Variants in MED25 observed in about 807,000 individuals in gnomAD.
MED25 encodes mediator complex subunit 25, also known as mediator of RNA polymerase II transcription subunit 25.
A neutral mutation model predicts 89.4 loss-of-function variants in MED25; 62 were observed. The observed-to-expected ratio is 0.69, with a 90% CI of 0.57 to 0.86. The LOEUF is 0.86. MED25 is among the 40% of genes least tolerant of loss of function. The probability of loss-of-function intolerance (pLI) is 0.00; values close to 1 mark genes in which losing one functional copy is unlikely to be tolerated. For missense variants in MED25, 905 were observed against 1,005.2 expected (o/e 0.90, Z 1.35); for synonymous variants, 449 against 427.9 (o/e 1.05, Z -0.61).
At chr19:49,819,781 G>C (rs936731892) in intron 3 of MED25, 1 of 273,788 alleles carries the variant, frequency 3.7e-6, no homozygotes, top group East Asian at 1.0e-4. Context: ...AGTGCAGGGG[G>C]ATGGGTCAGA....
In MED25 at chr19:49,829,804, A is replaced by T; in HGVS notation, c.544A>T (p.Ile182Phe). The T allele has an allele frequency of 6.3e-7, 1 of 1,599,926 alleles. No homozygotes were observed. Among genetic ancestry groups the T allele is most frequent in the Non-Finnish European group, 8.5e-7 (1 of 1,173,468 alleles). Residue 182 changes from isoleucine to phenylalanine, a missense_variant, in exon 6 of 18, where the codon ATT (isoleucine) becomes TTT (phenylalanine). Coordinates refer to ENST00000312865, the MANE Select transcript of MED25 (RefSeq NM_030973.4). This position sits in a 1 kb window ranked among gnomAD's most constrained non-coding sequence, Gnocchi z 4.6. The part of the protein sequence containing the change: ...QIGERGIHFS[I>F]VSPRKLPALR... Reference sequence around the variant, plus strand: ...CCTACAGCGGGGGATCCACTTCTCCATTGTGTCTCCCCGGAAGCTGCCTGC... The same window carrying T: ...CCTACAGCGGGGGATCCACTTCTCCTTTGTGTCTCCCCGGAAGCTGCCTGC...
chr19:49,822,938 C>T (rs757994811), intron 3 of MED25, among the ~76,000 whole-genome samples: 33 of 152,062 alleles, frequency 2.2e-4, no homozygotes, highest in Non-Finnish European at 2.9e-4. Flanking sequence ...TGAGCCACCG[C>T]GCCTGGCCTA....
downstream of MED25, chr19:49,838,550 T>C (rs1162440692): frequency 2.2e-6 from 1 of 457,114 alleles, no homozygotes; most frequent in South Asian, 1.5e-5. Context: ...GAAAGTGAAA[T>C]CTTTCTTGTA....
Position 49,830,203 on chromosome 19 carries a change from C to G in MED25, c.804C>G (p.Val268=), listed in dbSNP as rs751198441. The G allele has an allele frequency of 6.2e-7, 1 of 1,605,024 alleles. No homozygotes were observed. Among genetic ancestry groups the G allele is most frequent in the African/African-American group, 1.3e-5 (1 of 74,848 alleles). ...CCCCCCAGCAGCCTCTGCCCCCCGT[C>G]CCCCCGCAGTACCAGGTATGGATAT... ...SAAPQQPLPP[V]PPQYQVPGNL... The change falls in exon 7 of 18, where the codon GTC becomes GTG. Residue 268 remains valine (V), a synonymous_variant. Coordinates refer to ENST00000312865, the MANE Select transcript of MED25 (RefSeq NM_030973.4). The surrounding 1 kb of genome is among the most constrained non-coding windows in gnomAD (Gnocchi z 4.6).
Position 49,818,359 on chromosome 19 carries a change from G to C in MED25, c.18G>C (p.Glu6Asp). 1.2e-6 allele frequency: 2 copies of C among 1,603,908 alleles called. No individual in the cohort carries two copies. Among genetic ancestry groups the C allele is most frequent in the Non-Finnish European group, 1.7e-6 (2 of 1,175,068 alleles). ...CACGGGGTATGGTCCCCGGGTCCGA[G>C]GGCCCGGCCCGCGCCGGGAGCGTGG... MVPGSEGPARAGSVVA... is the reference protein window; with the variant it reads MVPGSDGPARAGSVVA... The change falls in exon 1 of 18, where the codon GAG becomes GAC. Residue 6 changes from glutamate to aspartate, a missense_variant. Transcript: ENST00000312865.
chr19:49,831,007 G>A lies in MED25; in HGVS notation c.1101+120G>A. The A allele has an allele frequency of 8.7e-7, 1 of 1,144,838 alleles. No individual in the cohort carries two copies. Among genetic ancestry groups the A allele is most frequent in the Non-Finnish European group, 1.3e-6 (1 of 770,898 alleles). The allele number at this position is 1,144,838 out of a possible 1,614,324, so 70.9% of individuals were successfully genotyped here. ...TGGCTCTCGTGGTTCTGGGGCTTTG[G>A]GGGCTCGTGGTGTGTGTGCTGCAGA... On this transcript the variant is annotated intron_variant, in intron 9 of 17. Coordinates refer to ENST00000312865, the MANE Select transcript of MED25 (RefSeq NM_030973.4). The surrounding 1 kb of genome is among the most constrained non-coding windows in gnomAD (Gnocchi z 5.0).
intron 3 of MED25, among the ~76,000 whole-genome samples, chr19:49,827,287 A>G (rs986430841): frequency 6.6e-6 from 1 of 152,220 alleles, no homozygotes; most frequent in Non-Finnish European, 1.5e-5. Context: ...ACGCGACTGC[A>G]GATCAGGCGG....
chr19:49,839,584 TCC>T (rs1349261674), downstream of MED25: 1 of 152,210 alleles, frequency 6.6e-6, no homozygotes, highest in Non-Finnish European at 1.5e-5. Context: ...CACAGTGGGT[TCC>T]CCTGAGAAGG....
At chr19:49,828,360 TG>T (rs1373889135) in intron 3 of MED25, 88 bp from the exon 4 acceptor site, 10 of 883,458 alleles carry the variant, frequency 1.1e-5, no homozygotes, top group Non-Finnish European at 1.3e-5. Flanking sequence ...CAGGATAGAG[TG>T]GGGGACAGCA....
At chr19:49,839,490 C>T (rs1456217005), downstream of MED25, 1 of 152,524 alleles carries the variant, frequency 6.6e-6, no homozygotes, top group African/African-American at 2.4e-5. Flanking sequence ...TGAGAGATTT[C>T]ACAGAAGCTC....
intron 4 of MED25, 92 bp from the exon 5 acceptor site, chr19:49,828,878 C>T (rs984198581): frequency 1.5e-5 from 23 of 1,579,656 alleles, no homozygotes; most frequent in East Asian, 1.2e-4. Context: ...CCATGTGAGG[C>T]GGAATATGTG....
rs1331188475 is a variant in MED25 at position 49,831,213 on chromosome 19, CTGGGG to C, written c.1102-119_1102-115del. On this transcript the variant is annotated intron_variant, in intron 9 of 17. Transcript: ENST00000312865. This position sits in a 1 kb window ranked among gnomAD's most constrained non-coding sequence, Gnocchi z 5.0. ...GTCCTGCGGCTGGCCAAGTGCTGTT[CTGGGG>C]ATGGAGGGGCAGAAGAAGGGATCTT... is the stretch of plus-strand genomic sequence containing the variant. 8.7e-7 allele frequency: 1 copy of C among 1,152,266 alleles called. No homozygotes were observed. Among genetic ancestry groups the C allele is most frequent in the African/African-American group, 1.5e-5 (1 of 65,300 alleles). The allele number at this position is 1,152,266 out of a possible 1,614,324, so 71.4% of individuals were successfully genotyped here.
chr19:49,824,712 C>T (rs1547967), intron 3 of MED25, among the ~76,000 whole-genome samples: 4,809 of 152,184 alleles, frequency 0.032, 179 homozygotes, highest in East Asian at 0.14. Flanking sequence ...TGGAACAAAT[C>T]GTCCTGGGCA....
At position 49,834,031 on chromosome 19, in the gene MED25, C is replaced by T. The variant is rs1308335416; in HGVS notation, c.1483-955C>T. The T allele has an allele frequency of 6.6e-6, 1 of 152,298 alleles. No individual in the cohort carries two copies. The highest frequency in any genetic ancestry group is 1.5e-5 in the Non-Finnish European group (1 of 68,074). 9.4% of individuals were successfully genotyped at this position (152,298 alleles called of 1,614,324 possible). A position where few individuals can be genotyped will look rare whatever the true frequency, so the allele number is the denominator to read the frequency against. On this transcript the variant is annotated intron_variant, in intron 13 of 17. Coordinates refer to ENST00000312865, the MANE Select transcript of MED25 (RefSeq NM_030973.4). This position sits in a 1 kb window ranked among gnomAD's most constrained non-coding sequence, Gnocchi z 4.1. ...TCCTTTATAGTCACAAGGTAGCTCTCATGGCTCCACGCATCCTGTGTGCTT... is the reference window on the plus strand; with the variant it reads ...TCCTTTATAGTCACAAGGTAGCTCTTATGGCTCCACGCATCCTGTGTGCTT...
rs767980819 is a variant in MED25, at chr19:49,830,202, TCCC to T, written c.807_809del (p.Pro270del). 4 of 1,601,004 alleles carry T rather than the reference TCCC, an allele frequency of 2.5e-6. No individual in the cohort carries two copies. In the African/African-American group the frequency reaches 5.4e-5, roughly 22 times the overall value. On this transcript the variant is annotated inframe_deletion, in exon 7 of 18. Transcript: ENST00000312865. The surrounding 1 kb of genome is among the most constrained non-coding windows in gnomAD (Gnocchi z 4.6). ...GCCCCCCAGCAGCCTCTGCCCCCCGTCCCCCCGCAGTACCAGGTATGGATATTT... is the reference window on the plus strand; with the variant it reads ...GCCCCCCAGCAGCCTCTGCCCCCCGTCCCGCAGTACCAGGTATGGATATTT...
At chr19:49,825,525 C>T (rs1312992856) in intron 3 of MED25, among the ~76,000 whole-genome samples, 1 of 151,870 alleles carries the variant, frequency 6.6e-6, no homozygotes, top group Non-Finnish European at 1.5e-5. Flanking sequence ...GGATTACAGG[C>T]ATAAGCCATT....
downstream of MED25, chr19:49,838,469 C>T: frequency 4.8e-6 from 2 of 417,002 alleles, no homozygotes; most frequent in Non-Finnish European, 9.7e-6. Context: ...TCTTGGCTTC[C>T]CTGTGAGGCA....
chr19:49,832,827 A>G (rs772049250), intron 13 of MED25: 130 of 309,274 alleles, frequency 4.2e-4, no homozygotes, highest in Non-Finnish European at 6.7e-4. Flanking sequence ...CGCTCTCTCT[A>G]GAGGCTGGAG....
Position 49,836,652 on chromosome 19 carries a change from G to T in MED25, c.2147-195G>T, listed in dbSNP as rs549021011. On this transcript the variant is annotated intron_variant, in intron 17 of 17. Transcript: ENST00000312865. This position sits in a 1 kb window ranked among gnomAD's most constrained non-coding sequence, Gnocchi z 5.1. Reference sequence around the variant, plus strand: ...GCTCCTGGGATTGCTGGGAAATGTGGTCTTAGGGCCAGAGAAGTAGTTTTG... The same window carrying T: ...GCTCCTGGGATTGCTGGGAAATGTGTTCTTAGGGCCAGAGAAGTAGTTTTG... 1.4e-6 allele frequency: 1 copy of T among 738,562 alleles called. No homozygotes were observed. Among genetic ancestry groups the T allele is most frequent in the African/African-American group, 1.7e-5 (1 of 57,848 alleles). 45.8% of individuals were successfully genotyped at this position (738,562 alleles called of 1,614,324 possible). A position where few individuals can be genotyped will look rare whatever the true frequency, so the allele number is the denominator to read the frequency against.
Sources: gnomAD v4.1 joint callset for allele counts (sites outside exome capture counted in the v4.1 genomes callset) on GRCh38, gnomAD v4.1.1 for gene constraint, Gnocchi (gnomAD v3.1) non-coding constraint, MANE v1.5 for transcripts, NCBI Gene and HGNC (gene_info 2026-07-23, HGNC 2026-07-21) for gene names.